OSBPL8: variants seen among roughly 807,000 people sequenced by gnomAD.
The protein encoded by OSBPL8 is oxysterol-binding protein-related protein 8.
In OSBPL8, 59 loss-of-function variants were observed where a neutral mutation model predicts 125.5. The observed-to-expected ratio is 0.47, with a 90% CI of 0.38 to 0.58. The LOEUF (loss-of-function observed/expected upper bound fraction) is 0.58, where lower values mean the gene tolerates loss of function less well. Ranked by LOEUF, OSBPL8 falls within the 20% of genes least tolerant of loss-of-function variation. The pLI, the probability that OSBPL8 is intolerant of heterozygous loss-of-function variation, is 0.00. For synonymous variants in OSBPL8, 330 were observed against 338.9 expected, an observed-to-expected ratio of 0.97 and a Z score of 0.29; for missense variants, 758 against 1,047.8, an observed-to-expected ratio of 0.72 and a Z score of 3.82.
chr12:76,556,756 T>C (rs1433266279), intron 1 of OSBPL8, among the ~76,000 whole-genome samples: 2 of 152,198 alleles, frequency 1.3e-5, no homozygotes, highest in African/African-American at 4.8e-5. Flanking sequence ...CTCTGTCTCC[T>C]GGGTTCATGC....
At chr12:76,511,586 G>A (rs1880993497) in intron 1 of OSBPL8, among the ~76,000 whole-genome samples, 1 of 152,022 alleles carries the variant, frequency 6.6e-6, no homozygotes, top group South Asian at 2.1e-4. Context: ...TTTTTCTCTT[G>A]TAAATTTATT....
intron 1 of OSBPL8, among the ~76,000 whole-genome samples, chr12:76,524,840 C>T (rs1240017258): frequency 2.6e-5 from 4 of 152,008 alleles, no homozygotes; most frequent in African/African-American, 4.8e-5. Flanking sequence ...CACAGTACCA[C>T]GCCCAGCTAA....
At chr12:76,409,938 C>G (rs767613214) in intron 5 of OSBPL8, among the ~76,000 whole-genome samples, 1 of 152,096 alleles carries the variant, frequency 6.6e-6, no homozygotes, top group African/African-American at 2.4e-5. Flanking sequence ...CCAGAAAGAA[C>G]AGCCAAAAGT....
At chr12:76,361,525 A>T (rs1952205395) in intron 21 of OSBPL8, among the ~76,000 whole-genome samples, 1 of 152,214 alleles carries the variant, frequency 6.6e-6, no homozygotes. Context: ...ATTTCTGGGT[A>T]TCTTTTCAGC....
Position 76,389,635 on chromosome 12 carries a change from A to G in OSBPL8, c.1352+10T>C. 1 of 1,512,050 alleles carries G rather than the reference A, an allele frequency of 6.6e-7. No homozygotes were observed. Among genetic ancestry groups the G allele is most frequent in the Non-Finnish European group, 8.9e-7 (1 of 1,119,136 alleles). The allele number at this position is 1,512,050 out of a possible 1,614,324, so 93.7% of individuals were successfully genotyped here. A position where few individuals can be genotyped will look rare whatever the true frequency, so the allele number is the denominator to read the frequency against. On this transcript the variant is annotated intron_variant, in intron 12 of 23. Transcript: ENST00000261183. ...GTATTGTCTATTTTAAGAAATAAGA[A>G]TCTACTTACTCAGATAGGAAATCTG...
At chr12:76,360,624 A>G (rs1952165385) in intron 21 of OSBPL8, among the ~76,000 whole-genome samples, 1 of 152,222 alleles carries the variant, frequency 6.6e-6, no homozygotes, top group Admixed American at 6.5e-5. Context: ...GAGGTTCTTC[A>G]TGAGGGCCGT....
chr12:76,467,124 T>TTACGTATGTATCAGTCTTCTC (rs1565920557), intron 2 of OSBPL8, among the ~76,000 whole-genome samples: 1 of 151,346 alleles, frequency 6.6e-6, no homozygotes, highest in Non-Finnish European at 1.5e-5. Context: ...TCAGTCTTCT[T>TTACGTATGTATCAGTCTTCTC]TATGTATGTA....
chr12:76,459,461 C>A (rs1046461812), intron 3 of OSBPL8, among the ~76,000 whole-genome samples: 3 of 152,152 alleles, frequency 2.0e-5, no homozygotes, highest in Non-Finnish European at 4.4e-5. Flanking sequence ...TTTTCGTAAT[C>A]AAATTATTAT....
At chr12:76,430,563 T>G (rs916189244) in intron 4 of OSBPL8, among the ~76,000 whole-genome samples, 6 of 152,182 alleles carry the variant, frequency 3.9e-5, no homozygotes, top group African/African-American at 1.4e-4. Context: ...ATAAACATCA[T>G]GAACTGCTTC....
At chr12:76,385,289 T>C (rs370095071) in intron 14 of OSBPL8, among the ~76,000 whole-genome samples, 68 of 152,282 alleles carry the variant, frequency 4.5e-4, no homozygotes, top group African/African-American at 1.5e-3. Flanking sequence ...AGAATTACCA[T>C]AATAAGGAGC....
chr12:76,389,629 A>G lies in OSBPL8; in HGVS notation c.1352+16T>C, dbSNP rs778982555. On this transcript the variant is annotated intron_variant, in intron 12 of 23. Coordinates refer to ENST00000261183, the MANE Select transcript of OSBPL8 (RefSeq NM_020841.5). Reference sequence around the variant, plus strand: ...CATGAAGTATTGTCTATTTTAAGAAATAAGAATCTACTTACTCAGATAGGA... The same window carrying G: ...CATGAAGTATTGTCTATTTTAAGAAGTAAGAATCTACTTACTCAGATAGGA... 6.7e-7 allele frequency: 1 copy of G among 1,499,366 alleles called. No individual in the cohort carries two copies. The highest frequency in any genetic ancestry group is 1.3e-5 in the South Asian group (1 of 78,228). 92.9% of individuals were successfully genotyped at this position (1,499,366 alleles called of 1,614,324 possible).
At chr12:76,386,877 T>TA (rs1447863688) in intron 12 of OSBPL8, among the ~76,000 whole-genome samples, 1 of 152,194 alleles carries the variant, frequency 6.6e-6, no homozygotes, top group Non-Finnish European at 1.5e-5. Context: ...TATTCTTTGA[T>TA]ACACTGCCTG....
At chr12:76,363,153 A>G (rs536767342) in intron 21 of OSBPL8, among the ~76,000 whole-genome samples, 23 of 152,346 alleles carry the variant, frequency 1.5e-4, no homozygotes, top group South Asian at 6.2e-4. Flanking sequence ...GCTACCACTG[A>G]CTTTCTTCAC....
At chr12:76,436,738 T>C (rs1871501936) in intron 4 of OSBPL8, among the ~76,000 whole-genome samples, 1 of 152,118 alleles carries the variant, frequency 6.6e-6, no homozygotes, top group African/African-American at 2.4e-5. Flanking sequence ...CCACAAACTA[T>C]ACCTTTGAAA....
chr12:76,485,923 C>T (rs1352414705), intron 2 of OSBPL8: 1 of 307,240 alleles, frequency 3.3e-6, no homozygotes, highest in African/African-American at 2.2e-5. Context: ...GAATCTAAGT[C>T]CATTAGATAT....
intron 1 of OSBPL8, among the ~76,000 whole-genome samples, chr12:76,534,509 T>C (rs1950437924): frequency 6.6e-6 from 1 of 152,198 alleles, no homozygotes; most frequent in South Asian, 2.1e-4. Context: ...AATTGCTGTC[T>C]AATTCCTTCC....
rs937016659 is a variant in OSBPL8, at chr12:76,559,532, GGC to G, written c.-205_-204del. On this transcript the variant is annotated 5_prime_UTR_variant, in exon 1 of 24. Transcript: ENST00000261183. ...GGCCGCTGTCGTCGGCGGCAGCTGG[GGC>G]GCGAGCCTGGACGAAGGGCGCTGCC... The G allele has an allele frequency of 6.6e-6, 1 of 152,208 alleles. No individual in the cohort carries two copies. Among genetic ancestry groups the G allele is most frequent in the African/African-American group, 2.4e-5 (1 of 41,450 alleles). 9.4% of individuals were successfully genotyped at this position (152,208 alleles called of 1,614,324 possible). A position where few individuals can be genotyped will look rare whatever the true frequency, so the allele number is the denominator to read the frequency against.
At chr12:76,530,735 A>G (rs1417947905) in intron 1 of OSBPL8, among the ~76,000 whole-genome samples, 1 of 152,164 alleles carries the variant, frequency 6.6e-6, no homozygotes, top group Non-Finnish European at 1.5e-5. Flanking sequence ...CTCCTTAGAC[A>G]CTTAAGAATT....
chr12:76,517,405 T>C (rs1394142318), intron 1 of OSBPL8, among the ~76,000 whole-genome samples: 1 of 152,196 alleles, frequency 6.6e-6, no homozygotes, highest in Admixed American at 6.5e-5. Context: ...TCATCAACTG[T>C]GGTTTCACCA....
Sources: allele counts gnomAD v4.1 joint callset (sites outside exome capture counted in the v4.1 genomes callset), GRCh38; gene constraint gnomAD v4.1.1; transcripts MANE v1.5; gene names NCBI Gene and HGNC (gene_info 2026-07-23, HGNC 2026-07-21).